The following LRIF1 variants were observed in gnomAD, a reference collection of about 807,000 sequenced individuals.
The protein encoded by LRIF1 is ligand dependent nuclear receptor interacting factor 1.
A neutral mutation model predicts 52.7 loss-of-function variants in LRIF1; 32 were observed. The ratio of observed to expected loss-of-function variants is 0.61; its 90% CI spans 0.46 to 0.82. The LOEUF (loss-of-function observed/expected upper bound fraction) is 0.82, where lower values mean the gene tolerates loss of function less well. Among genes scored for constraint, LRIF1 ranks in the 40% least tolerant of loss-of-function variants. The pLI, the probability that LRIF1 is intolerant of heterozygous loss-of-function variation, is 0.00. For synonymous variants in LRIF1, 323 were observed against 317.4 expected (o/e 1.02, Z -0.19); for missense variants, 887 against 892.0 (o/e 0.99, Z 0.07).
At position 110,948,117 on chromosome 1, in the gene LRIF1, G is replaced by T. The variant is rs200670185; in HGVS notation, c.2152C>A (p.His718Asn). 1.9e-6 allele frequency: 3 copies of T among 1,613,982 alleles called. No homozygotes were observed. The African/African-American group carries it at 4.0e-5, about 22-fold the overall frequency. ...TCGGTATAATTTTTATTGAAGAAAT[G>T]ACTTTGTTCATAAGCTGCATTTGAA... Reference protein sequence around the residue: ...LNSNAAYEQSHFFNKNYTEDI... With the variant: ...LNSNAAYEQSNFFNKNYTEDI... The change falls in exon 4 of 4, where the codon CAT becomes AAT. Residue 718 changes from histidine to asparagine, a missense_variant. Transcript: ENST00000369763.
the LRIF1 span, among the ~76,000 whole-genome samples, chr1:110,896,476 T>C: frequency 5.6e-4 from 86 of 152,326 alleles, no homozygotes; most frequent in Non-Finnish European, 1.0e-3. Flanking sequence ...CTTATGTGAA[T>C]GAAATGGTAT....
the LRIF1 span, among the ~76,000 whole-genome samples, chr1:110,908,865 A>G: frequency 6.6e-6 from 1 of 152,222 alleles, no homozygotes; most frequent in Non-Finnish European, 1.5e-5. Context: ...ACGTCAACGC[A>G]CAAGTTCAGG....
At chr1:110,963,546 G>C in intron 1 of LRIF1, 75 bp downstream of exon 1, 10 of 1,320,744 alleles carry the variant, frequency 7.6e-6, no homozygotes, top group South Asian at 6.3e-5. Context: ...ACAGCGTCCG[G>C]AAACGACGGC....
the LRIF1 span, chr1:110,941,384 T>C: frequency 6.6e-6 from 1 of 152,084 alleles, no homozygotes. Flanking sequence ...CTCCTTTCTT[T>C]TAATAAGTCT....
the LRIF1 span, among the ~76,000 whole-genome samples, chr1:110,896,139 C>A: frequency 6.6e-6 from 1 of 152,130 alleles, no homozygotes; most frequent in South Asian, 2.1e-4. Flanking sequence ...GCTATTTGTC[C>A]TTTAGACTTC....
the LRIF1 span, among the ~76,000 whole-genome samples, chr1:110,920,409 T>G: frequency 6.6e-6 from 1 of 152,140 alleles, no homozygotes; most frequent in Non-Finnish European, 1.5e-5. Flanking sequence ...TAAATGCATA[T>G]TACTAAGTGA....
chr1:110,928,737 A>T, the LRIF1 span, among the ~76,000 whole-genome samples: 3 of 152,148 alleles, frequency 2.0e-5, no homozygotes, highest in African/African-American at 4.8e-5. Context: ...GAAAAAATCA[A>T]TGCAAAGACT....
At chr1:110,912,667 A>T in the LRIF1 span, among the ~76,000 whole-genome samples, 1 of 152,248 alleles carries the variant, frequency 6.6e-6, no homozygotes, top group Admixed American at 6.5e-5. Context: ...ACACTGCTGA[A>T]AGAAATCAGA....
the LRIF1 span, among the ~76,000 whole-genome samples, chr1:110,890,743 C>A: frequency 6.6e-6 from 1 of 152,220 alleles, no homozygotes; most frequent in South Asian, 2.1e-4. Context: ...TCTCTTTTTA[C>A]TTCCCCATTG....
rs745981621 is a variant in LRIF1, at chr1:110,948,382, TTTC to T, written c.1884_1886del (p.Lys629del). The T allele has an allele frequency of 1.2e-6, 2 of 1,610,422 alleles. No homozygotes were observed. Among genetic ancestry groups the T allele is most frequent in the South Asian group, 2.2e-5 (2 of 90,560 alleles). On this transcript the variant is annotated inframe_deletion, in exon 4 of 4. Transcript: ENST00000369763. ...TCTTCTTATTAGTTTTTGCTTTTCTTTTCTTATCAAAATTCTGCTGCAATATTG... is the reference window on the plus strand; with the variant it reads ...TCTTCTTATTAGTTTTTGCTTTTCTTTTATCAAAATTCTGCTGCAATATTG...
At chr1:110,896,073 C>A in the LRIF1 span, among the ~76,000 whole-genome samples, 1 of 152,142 alleles carries the variant, frequency 6.6e-6, no homozygotes, top group Non-Finnish European at 1.5e-5. Flanking sequence ...CTCTATTTAT[C>A]TTTTAATCTA....
chr1:110,908,211 G>T, the LRIF1 span, among the ~76,000 whole-genome samples: 14 of 152,238 alleles, frequency 9.2e-5, no homozygotes, highest in African/African-American at 3.4e-4. Context: ...AAGCTTTGGG[G>T]AGTCTGGGCA....
At chr1:110,962,235 A>G (rs999355837) in intron 1 of LRIF1, among the ~76,000 whole-genome samples, 1 of 152,118 alleles carries the variant, frequency 6.6e-6, no homozygotes, top group Non-Finnish European at 1.5e-5. Context: ...TTAAAAAGTA[A>G]TTCTACTTTC....
chr1:110,892,478 T>C, the LRIF1 span: 2 of 1,614,166 alleles, frequency 1.2e-6, no homozygotes, highest in South Asian at 2.2e-5. Context: ...ATCATGGTAG[T>C]TGCCTTCCTG....
chr1:110,952,692 C>T lies in LRIF1; in HGVS notation c.192G>A (p.Met64Ile), dbSNP rs1658535359. The change falls in exon 2 of 4, where the codon ATG (methionine) becomes ATA (isoleucine). Residue 64 changes from methionine to isoleucine, a missense_variant. By Grantham distance (10) the Met-to-Ile change is conservative (BLOSUM62 1). Coordinates refer to ENST00000369763, the MANE Select transcript of LRIF1 (RefSeq NM_018372.4). ...NLIPLVQSSV[M>I]SDALKGNTGK... The stretch of plus-strand genomic sequence containing the variant: ...CTGTATTCCCTTTCAAAGCATCAGA[C>T]ATGACTGAAGATTGAACTAGTGGTA... 2 of 1,613,952 alleles carry T rather than the reference C, an allele frequency of 1.2e-6. No homozygotes were observed. Among genetic ancestry groups the T allele is most frequent in the African/African-American group, 2.7e-5 (2 of 74,900 alleles).
At chr1:110,898,877 T>G in the LRIF1 span, among the ~76,000 whole-genome samples, 6 of 152,122 alleles carry the variant, frequency 3.9e-5, no homozygotes, top group Non-Finnish European at 8.8e-5. Flanking sequence ...TTCTGTGACT[T>G]CCTCAGAAGA....
At chr1:110,932,316 G>A in the LRIF1 span, among the ~76,000 whole-genome samples, 1 of 152,224 alleles carries the variant, frequency 6.6e-6, no homozygotes, top group South Asian at 2.1e-4. Flanking sequence ...TATTTCTGAT[G>A]CCTCTGTACT....
the LRIF1 span, chr1:110,894,291 G>C: frequency 6.3e-7 from 1 of 1,583,382 alleles, no homozygotes; most frequent in African/African-American, 1.3e-5. Flanking sequence ...CGAGAATGGG[G>C]ATCAGTGCTG....
chr1:110,886,869 A>ATATATATTTTTT, the LRIF1 span, among the ~76,000 whole-genome samples: 1,340 of 82,570 alleles, frequency 0.016, 17 homozygotes, highest in Middle Eastern at 0.038. Context: ...ATATATATAT[A>ATATATATTTTTT]TTTTTTTTTT....
Sources: allele counts gnomAD v4.1 joint callset (sites outside exome capture counted in the v4.1 genomes callset), GRCh38; gene constraint gnomAD v4.1.1; transcripts MANE v1.5; gene names NCBI Gene and HGNC (gene_info 2026-07-23, HGNC 2026-07-21).